The following SRPRB variants were observed in gnomAD, a reference collection of about 807,000 sequenced individuals.
SRPRB encodes the protein SRP receptor subunit beta.
In SRPRB, 20 loss-of-function variants were observed where a neutral mutation model predicts 31.9. The observed-to-expected ratio is 0.63, with a 90% CI of 0.44 to 0.91. The LOEUF is 0.91. Among genes scored for constraint, SRPRB ranks in the 40% least tolerant of loss-of-function variants. The pLI, the probability that SRPRB is intolerant of heterozygous loss-of-function variation, is 0.00. For synonymous variants in SRPRB, 146 were observed against 132.8 expected (o/e 1.10, Z -0.68); for missense variants, 321 against 324.9 (o/e 0.99, Z 0.09).
chr3:133,813,850 G>T (rs1458336373), intron 4 of SRPRB, among the ~76,000 whole-genome samples: 2 of 152,212 alleles, frequency 1.3e-5, no homozygotes, highest in East Asian at 3.8e-4. Flanking sequence ...CTTCTGTTGG[G>T]GCCATAGGGC....
Position 133,819,773 on chromosome 3 carries a change from G to C in SRPRB, c.*7G>C. ...GCTGGCTAAAATTGCCTGAGAGGCA[G>C]CTCTAAAGCACAAGACCTGGATGTG... On this transcript the variant is annotated 3_prime_UTR_variant, in exon 7 of 7. Coordinates refer to ENST00000678299, the MANE Select transcript of SRPRB (RefSeq NM_001379313.1). 1 of 1,613,168 alleles carries C rather than the reference G, an allele frequency of 6.2e-7. No homozygotes were observed. The highest frequency in any genetic ancestry group is 8.5e-7 in the Non-Finnish European group (1 of 1,179,598).
At chr3:133,825,304 G>A (rs984978269), downstream of SRPRB, 1 of 152,200 alleles carries the variant, frequency 6.6e-6, no homozygotes, top group African/African-American at 2.4e-5. Flanking sequence ...CCCCGCACTG[G>A]CTAGCCACCA....
downstream of SRPRB, chr3:133,827,963 G>A (rs1251524748): frequency 1.8e-5 from 13 of 702,876 alleles, no homozygotes; most frequent in South Asian, 1.2e-4. Flanking sequence ...CACGCACCAC[G>A]CAGCTGCAAT....
upstream of SRPRB, among the ~76,000 whole-genome samples, chr3:133,801,172 T>C (rs1935055681): frequency 6.6e-6 from 1 of 152,190 alleles, no homozygotes; most frequent in Non-Finnish European, 1.5e-5. Flanking sequence ...GGGGAGCGGA[T>C]GGAAGAAGGT....
intron 1 of SRPRB, among the ~76,000 whole-genome samples, chr3:133,806,377 A>T (rs1935158834): frequency 6.6e-6 from 1 of 152,212 alleles, no homozygotes; most frequent in Non-Finnish European, 1.5e-5. Flanking sequence ...AGGTAGTGAG[A>T]TAGCACCTGA....
intron 1 of SRPRB, chr3:133,796,743 A>G (rs544013798): frequency 3.2e-4 from 48 of 152,380 alleles, no homozygotes; most frequent in African/African-American, 1.1e-3. Context: ...TATAGTGGAC[A>G]AAATTAAGTC....
At chr3:133,801,181 G>A (rs1935055873), upstream of SRPRB, among the ~76,000 whole-genome samples, 1 of 152,194 alleles carries the variant, frequency 6.6e-6, no homozygotes, top group African/African-American at 2.4e-5. Context: ...ATGGAAGAAG[G>A]TGTCTGGTGA....
At chr3:133,813,974 T>A (rs1027965887) in intron 4 of SRPRB, among the ~76,000 whole-genome samples, 11 of 152,322 alleles carry the variant, frequency 7.2e-5, no homozygotes, top group African/African-American at 2.6e-4. Context: ...GCCCGCTGTT[T>A]CTAAGGGAAC....
upstream of SRPRB, among the ~76,000 whole-genome samples, chr3:133,803,022 A>G (rs1935085676): frequency 6.6e-6 from 1 of 152,100 alleles, no homozygotes; most frequent in Admixed American, 6.6e-5. Context: ...ACAATATCCA[A>G]CTAATCACAT....
chr3:133,819,853 G>C lies in SRPRB; in HGVS notation c.*87G>C. ...GTAGTCTGGAGTTGATGAGGAAGGGGTACAAGATGTGGTTAGAAACATTTC... is the reference window on the plus strand; with the variant it reads ...GTAGTCTGGAGTTGATGAGGAAGGGCTACAAGATGTGGTTAGAAACATTTC... On this transcript the variant is annotated 3_prime_UTR_variant, in exon 7 of 7. Coordinates refer to ENST00000678299, the MANE Select transcript of SRPRB (RefSeq NM_001379313.1). 8.6e-7 allele frequency: 1 copy of C among 1,167,782 alleles called. No homozygotes were observed. The allele number at this position is 1,167,782 out of a possible 1,614,324, so 72.3% of individuals were successfully genotyped here. A position where few individuals can be genotyped will look rare whatever the true frequency, so the allele number is the denominator to read the frequency against.
At chr3:133,794,901 T>C (rs1157201175) in intron 1 of SRPRB, 1 of 152,228 alleles carries the variant, frequency 6.6e-6, no homozygotes, top group African/African-American at 2.4e-5. Flanking sequence ...TGTACAATTA[T>C]GGGTTATACT....
chr3:133,815,780 C>A, intron 5 of SRPRB, 54 bp downstream of exon 5: 1 of 1,584,288 alleles, frequency 6.3e-7, no homozygotes, highest in Non-Finnish European at 8.6e-7. Flanking sequence ...ATTGCTGCTA[C>A]TAAGAATTAT....
chr3:133,798,368 C>T (rs1935010879), intron 1 of SRPRB, among the ~76,000 whole-genome samples: 1 of 152,154 alleles, frequency 6.6e-6, no homozygotes, highest in Non-Finnish European at 1.5e-5. Context: ...TTAAGTAATT[C>T]AGTGAAAATA....
rs575123561 is a variant in SRPRB, at chr3:133,786,144, C to T, written c.-174+2000C>T. The stretch of plus-strand genomic sequence containing the variant: ...GTTCACTTGTTTATCTGCTGACCTT[C>T]CCTCCACTATTGTCCCATGACCCTG... On this transcript the variant is annotated intron_variant, in intron 1 of 7. Coordinates refer to the SRPRB transcript ENST00000466490. 3.1e-5 allele frequency: 2 copies of T among 64,008 alleles called. 1 individual carries two copies. The highest frequency in any genetic ancestry group is 1.4e-3 in the East Asian group (2 of 1,384). 4.0% of individuals were successfully genotyped at this position (64,008 alleles called of 1,614,324 possible). A position where few individuals can be genotyped will look rare whatever the true frequency, so the allele number is the denominator to read the frequency against.
chr3:133,799,434 AATCAT>A (rs373446859), intron 1 of SRPRB, among the ~76,000 whole-genome samples: 17 of 152,348 alleles, frequency 1.1e-4, no homozygotes, highest in African/African-American at 4.1e-4. Context: ...TATAGTATAT[AATCAT>A]ATATTTGAAT....
At chr3:133,799,877 G>A (rs191296586) in intron 1 of SRPRB, among the ~76,000 whole-genome samples, 31 of 152,322 alleles carry the variant, frequency 2.0e-4, no homozygotes, top group African/African-American at 6.3e-4. Context: ...TGAATGGAAT[G>A]TTCCCTTGTA....
chr3:133,814,729 G>A (rs527826842), intron 4 of SRPRB, among the ~76,000 whole-genome samples: 4 of 152,162 alleles, frequency 2.6e-5, no homozygotes, highest in East Asian at 3.9e-4. Flanking sequence ...GTGAGCCACC[G>A]CACCCGGCCC....
chr3:133,811,215 G>A lies in SRPRB; in HGVS notation c.410+16G>A. 2 of 1,613,344 alleles carry A rather than the reference G, an allele frequency of 1.2e-6. No homozygotes were observed. Among genetic ancestry groups the A allele is most frequent in the South Asian group, 2.2e-5 (2 of 91,056 alleles). On this transcript the variant is annotated intron_variant, in intron 4 of 6. Coordinates refer to ENST00000678299, the MANE Select transcript of SRPRB (RefSeq NM_001379313.1). ...CTTCAGCCAGGTAAGAAGGAAAGAAGTGAAGTGGGCTTGTCTAGGTCTGTA... is the reference window on the plus strand; with the variant it reads ...CTTCAGCCAGGTAAGAAGGAAAGAAATGAAGTGGGCTTGTCTAGGTCTGTA...
chr3:133,819,549 A>C lies in SRPRB; in HGVS notation c.603-4A>C. On this transcript the variant is annotated splice_polypyrimidine_tract_variant and splice_region_variant and intron_variant, in intron 6 of 6. Coordinates refer to ENST00000678299, the MANE Select transcript of SRPRB (RefSeq NM_001379313.1). ...CTCCTGACTTCTTTCCTTTTGCCCC[A>C]CAGCAACACCTTACGAGTTACCCGT... 6.2e-7 allele frequency: 1 copy of C among 1,603,966 alleles called. No homozygotes were observed. The highest frequency in any genetic ancestry group is 8.5e-7 in the Non-Finnish European group (1 of 1,171,708).
Sources: allele counts gnomAD v4.1 joint callset (sites outside exome capture counted in the v4.1 genomes callset), GRCh38; gene constraint gnomAD v4.1.1; transcripts MANE v1.5; gene names NCBI Gene and HGNC (gene_info 2026-07-23, HGNC 2026-07-21).